Variants in IL1RAP observed in about 807,000 individuals in gnomAD.
IL1RAP encodes the protein interleukin-1 receptor accessory protein.
IL1RAP carries 35 observed loss-of-function variants against 60.7 expected under a neutral mutation model. The observed-to-expected ratio is 0.58, with a 90% confidence interval of 0.44 to 0.76. The LOEUF (loss-of-function observed/expected upper bound fraction) is 0.76. IL1RAP is among the 30% of genes least tolerant of loss of function. The pLI is 0.00. For synonymous variants in IL1RAP, 268 were observed against 250.9 expected (o/e 1.07, Z -0.64); for missense variants, 572 against 693.9 (o/e 0.82, Z 1.97).
At chr3:190,527,456 C>T (rs1042823979) in intron 1 of IL1RAP, among the ~76,000 whole-genome samples, 1 of 152,100 alleles carries the variant, frequency 6.6e-6, no homozygotes, top group East Asian at 1.9e-4. Context: ...TCTTTGAAAG[C>T]AAATTTTGCA....
intron 5 of IL1RAP, among the ~76,000 whole-genome samples, chr3:190,614,904 G>A (rs574332762): frequency 8.5e-5 from 13 of 152,228 alleles, no homozygotes; most frequent in East Asian, 7.7e-4. Flanking sequence ...ACCGTGGGAC[G>A]TAGGTGAACC....
intron 2 of IL1RAP, among the ~76,000 whole-genome samples, chr3:190,556,692 G>A (rs1725458092): frequency 6.6e-6 from 1 of 152,206 alleles, no homozygotes; most frequent in Non-Finnish European, 1.5e-5. Context: ...TACACACAAA[G>A]TGTAGGGCAT....
At chr3:190,521,107 G>A (rs1486252318) in intron 1 of IL1RAP, among the ~76,000 whole-genome samples, 1 of 152,106 alleles carries the variant, frequency 6.6e-6, no homozygotes, top group African/African-American at 2.4e-5. Flanking sequence ...TTTGTCAAGA[G>A]GCTTATGCAT....
intron 9 of IL1RAP, 31 bp downstream of exon 9, chr3:190,629,529 A>C: frequency 6.3e-7 from 1 of 1,583,816 alleles, no homozygotes; most frequent in Non-Finnish European, 8.6e-7. Context: ...TGAATCTCTC[A>C]GCTCCAAATT....
intron 1 of IL1RAP, among the ~76,000 whole-genome samples, chr3:190,535,408 G>A (rs1354672974): frequency 6.6e-6 from 1 of 152,206 alleles, no homozygotes; most frequent in African/African-American, 2.4e-5. Flanking sequence ...GCATATGTGT[G>A]TGACTTAGTT....
chr3:190,610,004 G>T lies in IL1RAP; in HGVS notation c.537+823G>T, dbSNP rs780749573. Reference sequence around the variant, plus strand: ...GGAGAGGTTTTGCTCTCTAATAAGGGGTAGTGCAAGAGACCTATAAGAAGA... The same window carrying T: ...GGAGAGGTTTTGCTCTCTAATAAGGTGTAGTGCAAGAGACCTATAAGAAGA... On this transcript the variant is annotated intron_variant, in intron 5 of 11. Transcript: ENST00000447382. Among the ~76,000 whole-genome samples the T allele has an allele frequency of 3.9e-5, 6 of 152,154 alleles. No individual in the cohort carries two copies. In the South Asian group the frequency reaches 6.2e-4, roughly 16 times the overall value.
At chr3:190,644,986 TAGA>T (rs1733914041) in intron 10 of IL1RAP, among the ~76,000 whole-genome samples, 1 of 152,226 alleles carries the variant, frequency 6.6e-6, no homozygotes, top group South Asian at 2.1e-4. Flanking sequence ...TGTAGCTTAT[TAGA>T]AGAAGAATCT....
intron 9 of IL1RAP, among the ~76,000 whole-genome samples, chr3:190,635,858 G>A (rs1733179113): frequency 6.6e-6 from 1 of 152,134 alleles, no homozygotes; most frequent in South Asian, 2.1e-4. Context: ...AGAAACATAG[G>A]TTTTTGTTCT....
chr3:190,581,758 CT>C (rs1353656985), intron 3 of IL1RAP, among the ~76,000 whole-genome samples: 1 of 152,070 alleles, frequency 6.6e-6, no homozygotes, highest in Non-Finnish European at 1.5e-5. Flanking sequence ...GGAAAAGAAA[CT>C]TTATTCATTC....
At chr3:190,579,575 T>G (rs545314334) in intron 3 of IL1RAP, among the ~76,000 whole-genome samples, 10 of 152,216 alleles carry the variant, frequency 6.6e-5, no homozygotes, top group Admixed American at 2.0e-4. Flanking sequence ...TACCTTTTTA[T>G]TACTGAGGAC....
intron 3 of IL1RAP, among the ~76,000 whole-genome samples, chr3:190,601,033 G>A (rs941883749): frequency 2.6e-5 from 4 of 152,090 alleles, no homozygotes; most frequent in African/African-American, 9.7e-5. Context: ...CACCCAGGCT[G>A]GAGTGCAGTG....
At chr3:190,638,244 C>T (rs961049583) in intron 9 of IL1RAP, among the ~76,000 whole-genome samples, 1 of 152,054 alleles carries the variant, frequency 6.6e-6, no homozygotes, top group African/African-American at 2.4e-5. Flanking sequence ...CCATATTCCA[C>T]CATCAACATA....
At chr3:190,604,524 G>A (rs1730133068) in intron 4 of IL1RAP, 111 bp downstream of exon 4, 1 of 1,103,334 alleles carries the variant, frequency 9.1e-7, no homozygotes, top group African/African-American at 1.6e-5. Flanking sequence ...TTTAGATAGA[G>A]TTTAGTGAGG....
At chr3:190,564,249 TAGTA>T (rs1726167688) in intron 2 of IL1RAP, 36 bp from the exon 3 acceptor site, 1 of 1,245,730 alleles carries the variant, frequency 8.0e-7, no homozygotes, top group Non-Finnish European at 1.2e-6. Flanking sequence ...CCCTTGAAAG[TAGTA>T]AGTGATTTCC....
At chr3:190,547,262 A>T (rs1724453426) in intron 1 of IL1RAP, among the ~76,000 whole-genome samples, 1 of 152,206 alleles carries the variant, frequency 6.6e-6, no homozygotes, top group African/African-American at 2.4e-5. Flanking sequence ...GTCAATGCAT[A>T]TGAAAAGAAC....
At chr3:190,637,432 C>G (rs995513215) in intron 9 of IL1RAP, among the ~76,000 whole-genome samples, 2 of 151,916 alleles carry the variant, frequency 1.3e-5, no homozygotes, top group Non-Finnish European at 2.9e-5. Flanking sequence ...ATACAGCCTA[C>G]CTAGATCCTA....
At chr3:190,599,272 A>G (rs1318508573) in intron 3 of IL1RAP, among the ~76,000 whole-genome samples, 1 of 152,124 alleles carries the variant, frequency 6.6e-6, no homozygotes. Context: ...TGTGGCACAC[A>G]TCCCCCGAAG....
intron 1 of IL1RAP, among the ~76,000 whole-genome samples, chr3:190,532,509 G>A (rs1238277859): frequency 3.9e-5 from 6 of 152,054 alleles, no homozygotes; most frequent in Admixed American, 2.6e-4. Flanking sequence ...TGATCTGCCC[G>A]CCTCGGCCTC....
intron 1 of IL1RAP, among the ~76,000 whole-genome samples, chr3:190,522,015 TAAA>T (rs1367839239): frequency 1.3e-5 from 2 of 152,258 alleles, no homozygotes; most frequent in Non-Finnish European, 1.5e-5. Context: ...TGACTCTCAT[TAAA>T]ATGTGAGTTC....
Sources: gnomAD v4.1 joint callset for allele counts (sites outside exome capture counted in the v4.1 genomes callset) on GRCh38, gnomAD v4.1.1 for gene constraint, MANE v1.5 for transcripts, NCBI Gene and HGNC (gene_info 2026-07-23, HGNC 2026-07-21) for gene names.